The following ELP5 variants were observed in gnomAD, a reference collection of about 807,000 sequenced individuals.
The protein encoded by ELP5 is elongator acetyltransferase complex subunit 5, also known as elongator complex protein 5.
Under a neutral mutation model 33.4 loss-of-function variants are expected in ELP5, and 34 were observed. The ratio of observed to expected loss-of-function variants is 1.02; its 90% CI spans 0.78 to 1.36. The LOEUF (loss-of-function observed/expected upper bound fraction) is 1.36. ELP5 is among the 40% of genes most tolerant of loss of function. ELP5 has a pLI of 0.00. For missense variants in ELP5, 373 were observed against 371.7 expected (o/e 1.00, Z -0.03); for synonymous variants, 161 against 146.4 (o/e 1.10, Z -0.72).
Position 7,259,557 on chromosome 17 carries a change from T to G in ELP5, c.789-14T>G, listed in dbSNP as rs2072163417. 2 of 1,614,072 alleles carry G rather than the reference T, an allele frequency of 1.2e-6. No individual in the cohort carries two copies. The highest frequency in any genetic ancestry group is 1.7e-6 in the Non-Finnish European group (2 of 1,180,002). On this transcript the variant is annotated splice_polypyrimidine_tract_variant and intron_variant, in intron 7 of 7. Transcript: ENST00000396628. ...GTTAGCTACCCTCACCAGCACCAAA[T>G]CTTCCCTTCTCAGACAGCAGGCTCT...
chr17:7,259,784 G>A lies in ELP5; in HGVS notation c.*99G>A. On this transcript the variant is annotated 3_prime_UTR_variant, in exon 8 of 8. Transcript: ENST00000396628. Reference sequence around the variant, plus strand: ...TTTGTGTTAGCCTTACCCTGTCCCTGCCCCACCTTGGTTCCCCTTGTCTAT... The same window carrying A: ...TTTGTGTTAGCCTTACCCTGTCCCTACCCCACCTTGGTTCCCCTTGTCTAT... 2 of 1,518,220 alleles carry A rather than the reference G, an allele frequency of 1.3e-6. No homozygotes were observed. The highest frequency in any genetic ancestry group is 1.8e-6 in the Non-Finnish European group (2 of 1,133,146). 94.0% of individuals were successfully genotyped at this position (1,518,220 alleles called of 1,614,324 possible). A position where few individuals can be genotyped will look rare whatever the true frequency, so the allele number is the denominator to read the frequency against.
intron 7 of ELP5, 82 bp downstream of exon 7, chr17:7,259,008 G>A (rs2072149093): frequency 1.9e-6 from 3 of 1,585,410 alleles, no homozygotes; most frequent in East Asian, 4.5e-5. Context: ...ACAGGTTATT[G>A]ATTAACCTGA....
chr17:7,258,785 C>T, intron 6 of ELP5, 41 bp from the exon 7 acceptor site: 1 of 1,614,096 alleles, frequency 6.2e-7, no homozygotes, highest in Admixed American at 1.7e-5. Flanking sequence ...GTCAGGGATT[C>T]TAGGGATGGG....
At position 7,252,446 on chromosome 17, in the gene ELP5, T is replaced by C; in HGVS notation, c.-105T>C. The C allele has an allele frequency of 6.5e-7, 1 of 1,542,892 alleles. No homozygotes were observed. On this transcript the variant is annotated 5_prime_UTR_variant, in exon 1 of 8. Coordinates refer to ENST00000396628, the MANE Select transcript of ELP5 (RefSeq NM_203414.3). The stretch of plus-strand genomic sequence containing the variant: ...TCCAGACTATGTTAGGTCTTAATGG[T>C]GGGAGGACGCCCGAGTGCTCGGCCC...
chr17:7,259,530 C>T, intron 7 of ELP5, 41 bp from the exon 8 acceptor site: 5 of 1,612,412 alleles, frequency 3.1e-6, no homozygotes, highest in Non-Finnish European at 4.2e-6. Flanking sequence ...CAGACCCAAC[C>T]TGTTAGCTAC....
chr17:7,258,000 G>A (rs1385184786), intron 5 of ELP5, among the ~76,000 whole-genome samples: 2 of 151,876 alleles, frequency 1.3e-5, no homozygotes, highest in Admixed American at 6.6e-5. Context: ...CCTGGGAGGC[G>A]GAGGTTGAGG....
At chr17:7,253,861 G>T (rs1261226608) in intron 3 of ELP5, among the ~76,000 whole-genome samples, 2 of 152,138 alleles carry the variant, frequency 1.3e-5, no homozygotes, top group African/African-American at 4.8e-5. Flanking sequence ...CCTGGGCATG[G>T]TGGCACATGC....
chr17:7,259,847 C>T lies in ELP5; in HGVS notation c.*162C>T. 1.5e-6 allele frequency: 2 copies of T among 1,300,384 alleles called. No individual in the cohort carries two copies. Among genetic ancestry groups the T allele is most frequent in the African/African-American group, 1.5e-5 (1 of 67,836 alleles). The allele number at this position is 1,300,384 out of a possible 1,614,324, so 80.6% of individuals were successfully genotyped here. ...TGTGAGCCAGGAAGCAGCGTCTCAT[C>T]AGGACAGAAGGTAGGATGAAGACAT... On this transcript the variant is annotated 3_prime_UTR_variant, in exon 8 of 8. Transcript: ENST00000396628.
At chr17:7,258,751 A>C in intron 6 of ELP5, 68 bp downstream of exon 6, 1 of 1,614,106 alleles carries the variant, frequency 6.2e-7, no homozygotes, top group East Asian at 2.2e-5. Context: ...AGAGAAAATA[A>C]AAGCTGCAGA....
chr17:7,259,048 G>A, intron 7 of ELP5, 122 bp downstream of exon 7: 1 of 1,498,140 alleles, frequency 6.7e-7, no homozygotes, highest in South Asian at 1.3e-5. Flanking sequence ...CACCTCCAGA[G>A]ACAAGTCCAA....
In ELP5 at chr17:7,252,748, T is replaced by G. The variant is rs758828046; in HGVS notation, c.47-22T>G. The G allele has an allele frequency of 2.2e-5, 35 of 1,613,974 alleles. 1 individual carries two copies. In the South Asian group the frequency reaches 3.8e-4, roughly 18 times the overall value. On this transcript the variant is annotated intron_variant, in intron 1 of 7. Coordinates refer to ENST00000396628, the MANE Select transcript of ELP5 (RefSeq NM_203414.3). The stretch of plus-strand genomic sequence containing the variant: ...GGTAATCCCAGCGCTCTCATACCCT[T>G]TATCCGTCCCTCGCTCTGCAGATTC...
chr17:7,253,699 C>A lies in ELP5; in HGVS notation c.188+701C>A, dbSNP rs185246084. On this transcript the variant is annotated intron_variant, in intron 3 of 7. Coordinates refer to ENST00000396628, the MANE Select transcript of ELP5 (RefSeq NM_203414.3). ...TGTGATAGAGGCGGTGGTGTATGTT[C>A]AGATGGCATTCCATGGCTGGGCGCG... Among the ~76,000 whole-genome samples the A allele has an allele frequency of 5.3e-3, 810 of 152,256 alleles. 5 individuals are homozygous for A. The highest frequency in any genetic ancestry group is 0.019 in the African/African-American group (772 of 41,552).
rs769908071 is a variant in ELP5, at chr17:7,258,690, A to G, written c.687+7A>G. On this transcript the variant is annotated splice_region_variant and intron_variant, in intron 6 of 7. Transcript: ENST00000396628. ...CGATCCTCATATACCCCCGGTATCT[A>G]AGAATGCCAAGGCCAGAACAAGGAA... 7.4e-6 allele frequency: 12 copies of G among 1,614,124 alleles called. No individual in the cohort carries two copies. Among genetic ancestry groups the G allele is most frequent in the Non-Finnish European group, 1.0e-5 (12 of 1,180,016 alleles).
intron 4 of ELP5, among the ~76,000 whole-genome samples, chr17:7,256,260 T>C (rs1267962792): frequency 6.6e-6 from 1 of 152,002 alleles, no homozygotes; most frequent in Non-Finnish European, 1.5e-5. Flanking sequence ...GAGGCAGTAT[T>C]GTTGAGCCCG....
At chr17:7,252,689 C>G (rs908845866) in intron 1 of ELP5, 81 bp from the exon 2 acceptor site, 4 of 1,608,162 alleles carry the variant, frequency 2.5e-6, no homozygotes, top group Non-Finnish European at 3.4e-6. Context: ...GGGTCACAGG[C>G]TAGGTGTGGA....
At chr17:7,258,986 G>C (rs1322156281) in intron 7 of ELP5, 60 bp downstream of exon 7, 2 of 1,609,938 alleles carry the variant, frequency 1.2e-6, no homozygotes, top group Non-Finnish European at 1.7e-6. Flanking sequence ...GGGCCATGGA[G>C]AGGTTGGGGC....
At chr17:7,254,432 C>T in intron 3 of ELP5, 151 bp from the exon 4 acceptor site, 1 of 635,184 alleles carries the variant, frequency 1.6e-6, no homozygotes, top group Non-Finnish European at 2.6e-6. Context: ...TGCTCTCAAT[C>T]ACTGTATGCT....
At chr17:7,253,038 C>G (rs1447250081) in intron 3 of ELP5, 40 bp downstream of exon 3, 1 of 1,591,308 alleles carries the variant, frequency 6.3e-7, no homozygotes, top group African/African-American at 1.3e-5. Context: ...AATTTGAGAC[C>G]TATAATGCTA....
chr17:7,254,610 C>T lies in ELP5; in HGVS notation c.216C>T (p.Asp72=), dbSNP rs762580570. 12 of 1,613,678 alleles carry T rather than the reference C, an allele frequency of 7.4e-6. No individual in the cohort carries two copies. The highest frequency in any genetic ancestry group is 2.2e-5 in the South Asian group (2 of 91,040). ...NRLVYHDFFR[D]PLNWSKTEEA... The stretch of plus-strand genomic sequence containing the variant: ...TGGTTTACCATGACTTCTTCAGAGA[C>T]CCTCTCAACTGGTCAAAAACTGAGG... The change falls in exon 4 of 8, where the codon GAC becomes GAT. Residue 72 remains aspartate (D), a synonymous_variant. Coordinates refer to ENST00000396628, the MANE Select transcript of ELP5 (RefSeq NM_203414.3).
Sources: allele counts gnomAD v4.1 joint callset (sites outside exome capture counted in the v4.1 genomes callset), GRCh38; gene constraint gnomAD v4.1.1; transcripts MANE v1.5; gene names NCBI Gene and HGNC (gene_info 2026-07-23, HGNC 2026-07-21).